Variants in ATP6V0A2 observed in about 807,000 individuals in gnomAD.
ATP6V0A2 encodes V-type proton ATPase 116 kDa subunit a 2.
ATP6V0A2 carries 58 observed loss-of-function variants against 104.4 expected under a neutral mutation model. The observed-to-expected ratio is 0.56, with a 90% CI of 0.45 to 0.69. The LOEUF is 0.69. Ranked by LOEUF, ATP6V0A2 falls within the 30% of genes least tolerant of loss-of-function variation. The pLI, the probability that ATP6V0A2 is intolerant of heterozygous loss-of-function variation, is 0.00. For synonymous variants in ATP6V0A2, 376 were observed against 397.9 expected (o/e 0.95, Z 0.65); for missense variants, 938 against 1,062.9 (o/e 0.88, Z 1.63).
chr12:123,728,686 G>A (rs1956471042), intron 6 of ATP6V0A2, among the ~76,000 whole-genome samples: 1 of 152,222 alleles, frequency 6.6e-6, no homozygotes, highest in African/African-American at 2.4e-5. Flanking sequence ...AGTTGACTCA[G>A]GTCACGTGTC....
intron 1 of ATP6V0A2, among the ~76,000 whole-genome samples, 199 bp from the exon 2 acceptor site, chr12:123,718,424 C>T (rs975674983): frequency 5.9e-5 from 9 of 152,000 alleles, no homozygotes; most frequent in Non-Finnish European, 1.3e-4. Flanking sequence ...GGGGTTTCAC[C>T]GTGTTGGCCC....
At chr12:123,752,440 G>A in intron 17 of ATP6V0A2, 38 bp downstream of exon 17, 5 of 1,610,532 alleles carry the variant, frequency 3.1e-6, no homozygotes, top group Middle Eastern at 1.7e-4. Context: ...ACTTAGATAA[G>A]TAACCAAGCT....
chr12:123,744,941 T>C lies in ATP6V0A2; in HGVS notation c.1574T>C (p.Phe525Ser). ...LQLDPSIPGVFRGPYPLGIDP... is the reference protein window; with the variant it reads ...LQLDPSIPGVSRGPYPLGIDP... ...CTGGATCCAAGCATTCCTGGAGTGT[T>C]CCGAGGCCCTTATCCCCTTGGCATT... The change falls in exon 13 of 20, where the codon TTC becomes TCC. Residue 525 changes from phenylalanine (F) to serine (S), a missense_variant. Phe to Ser is a radical substitution (Grantham distance 155, BLOSUM62 -2). Transcript: ENST00000330342. The surrounding 1 kb of genome is among the most constrained non-coding windows in gnomAD (Gnocchi z 5.4). 2 of 1,614,222 alleles carry C rather than the reference T, an allele frequency of 1.2e-6. No individual in the cohort carries two copies. Among genetic ancestry groups the C allele is most frequent in the South Asian group, 1.1e-5 (1 of 91,086 alleles).
rs963389143 is a variant in ATP6V0A2, at chr12:123,760,675, T to G, written c.*2643T>G. On this transcript the variant is annotated 3_prime_UTR_variant, in exon 20 of 20. Transcript: ENST00000330342. ...AGAATCTTAAAACCCAAGGGATTTC[T>G]TCAGTAAACTAGACTTTGATTCAAC... The G allele has an allele frequency of 6.6e-6, 1 of 152,228 alleles. No homozygotes were observed. The highest frequency in any genetic ancestry group is 1.5e-5 in the Non-Finnish European group (1 of 68,036). 9.4% of individuals were successfully genotyped at this position (152,228 alleles called of 1,614,324 possible).
At chr12:123,734,070 T>C (rs1956529019) in intron 7 of ATP6V0A2, 62 bp downstream of exon 7, 1 of 1,323,894 alleles carries the variant, frequency 7.6e-7, no homozygotes, top group Non-Finnish European at 1.1e-6. Flanking sequence ...CTAGTTTTCC[T>C]TCAACATCCC....
At chr12:123,737,382 T>C (rs1275315387) in intron 9 of ATP6V0A2, 111 bp downstream of exon 9, 1 of 1,005,634 alleles carries the variant, frequency 9.9e-7, no homozygotes, top group East Asian at 2.6e-5. Flanking sequence ...GAATGCAGTG[T>C]GTTGACTCTT....
In ATP6V0A2 at chr12:123,744,863, ACT is replaced by A. The variant is rs1956645163; in HGVS notation, c.1515-16_1515-15del. On this transcript the variant is annotated splice_polypyrimidine_tract_variant and intron_variant, in intron 12 of 19. Transcript: ENST00000330342. This position sits in a 1 kb window ranked among gnomAD's most constrained non-coding sequence, Gnocchi z 5.4. The stretch of plus-strand genomic sequence containing the variant: ...TTCCTCCTCCCAGGTCAGCCTCCTC[ACT>A]CTGCTTTTTGTTACAGTGACAGCGT... 6.2e-7 allele frequency: 1 copy of A among 1,613,702 alleles called. No individual in the cohort carries two copies. Among genetic ancestry groups the A allele is most frequent in the Non-Finnish European group, 8.5e-7 (1 of 1,179,888 alleles).
chr12:123,740,772 C>A (rs989788297), intron 9 of ATP6V0A2, among the ~76,000 whole-genome samples: 1 of 152,132 alleles, frequency 6.6e-6, no homozygotes, highest in Non-Finnish European at 1.5e-5. Flanking sequence ...TTCTCCTCTT[C>A]GCGCCTTCTG....
At chr12:123,719,210 G>A (rs1205349347) in intron 2 of ATP6V0A2, among the ~76,000 whole-genome samples, 2 of 152,162 alleles carry the variant, frequency 1.3e-5, no homozygotes, top group African/African-American at 4.8e-5. Context: ...GGCTTCCTTT[G>A]CCAGTGTGTT....
At chr12:123,741,054 G>T (rs1956604659) in intron 9 of ATP6V0A2, among the ~76,000 whole-genome samples, 1 of 151,918 alleles carries the variant, frequency 6.6e-6, no homozygotes, top group Admixed American at 6.6e-5. Flanking sequence ...CTGTGGGGAT[G>T]GTATTCTACT....
chr12:123,757,547 G>A (rs1049116501), intron 19 of ATP6V0A2, among the ~76,000 whole-genome samples: 1 of 152,188 alleles, frequency 6.6e-6, no homozygotes, highest in Non-Finnish European at 1.5e-5. Flanking sequence ...TTCACTTTGG[G>A]TCTGACAGGT....
intron 15 of ATP6V0A2, chr12:123,750,909 C>A: frequency 3.1e-6 from 2 of 639,856 alleles, no homozygotes; most frequent in Non-Finnish European, 5.5e-6. Flanking sequence ...ACCACAGGGT[C>A]ATTAATGTTA....
intron 18 of ATP6V0A2, chr12:123,756,495 C>T: frequency 3.1e-6 from 1 of 319,924 alleles, no homozygotes; most frequent in South Asian, 5.4e-5. Flanking sequence ...GTGGCAGAAC[C>T]AGGCCTGGGA....
At chr12:123,753,114 CCGG>C (rs1956731825) in intron 17 of ATP6V0A2, among the ~76,000 whole-genome samples, 1 of 149,644 alleles carries the variant, frequency 6.7e-6, no homozygotes, top group Non-Finnish European at 1.5e-5. Context: ...GTCCCCTGGA[CCGG>C]TGTCTGCTCA....
At chr12:123,718,920 T>C (rs1387654843) in intron 2 of ATP6V0A2, among the ~76,000 whole-genome samples, 4 of 152,222 alleles carry the variant, frequency 2.6e-5, no homozygotes, top group Non-Finnish European at 5.9e-5. Context: ...GGCCTGGTTA[T>C]TTTGTTGTTA....
In ATP6V0A2 at chr12:123,748,788, G is replaced by T; in HGVS notation, c.1935+3G>T. On this transcript the variant is annotated splice_donor_region_variant and intron_variant, in intron 15 of 19. Transcript: ENST00000330342. ...CAAGTGGCCTTTACACAGGGCAGGT[G>T]AGTCATCTTCCCACCCTCATGAACT... 6.2e-7 allele frequency: 1 copy of T among 1,612,146 alleles called. No homozygotes were observed. The highest frequency in any genetic ancestry group is 8.5e-7 in the Non-Finnish European group (1 of 1,178,318).
rs1033171455 is a variant in ATP6V0A2, at chr12:123,719,492, T to A, written c.196+791T>A. Among the ~76,000 whole-genome samples the A allele has an allele frequency of 3.3e-5, 5 of 151,928 alleles. No individual in the cohort carries two copies. In the East Asian group the frequency reaches 9.6e-4, roughly 29 times the overall value. ...GACTCCGCCTCCTGGGTTCCAGCGA[T>A]TCTCCTGCTTCAGCCGCCCTAGTAG... On this transcript the variant is annotated intron_variant, in intron 2 of 19. Transcript: ENST00000330342.
chr12:123,747,548 A>G (rs1366159922), intron 13 of ATP6V0A2, 59 bp from the exon 14 acceptor site: 4 of 1,098,348 alleles, frequency 3.6e-6, no homozygotes, highest in Non-Finnish European at 5.6e-6. Flanking sequence ...AACTTTCTTG[A>G]GTGTCACCTG....
At chr12:123,752,241 G>C in intron 16 of ATP6V0A2, 42 bp from the exon 17 acceptor site, 1 of 1,613,400 alleles carries the variant, frequency 6.2e-7, no homozygotes, top group Non-Finnish European at 8.5e-7. Context: ...TCACAACCTT[G>C]TGGTTTTACA....
Sources: gnomAD v4.1 joint callset for allele counts (sites outside exome capture counted in the v4.1 genomes callset) on GRCh38, gnomAD v4.1.1 for gene constraint, Gnocchi (gnomAD v3.1) non-coding constraint, MANE v1.5 for transcripts, NCBI Gene and HGNC (gene_info 2026-07-23, HGNC 2026-07-21) for gene names.